ZNF532: variants seen among roughly 807,000 people sequenced by gnomAD.
ZNF532 encodes the protein zinc finger protein 532.
A neutral mutation model predicts 89.3 loss-of-function variants in ZNF532; 22 were observed. The ratio of observed to expected loss-of-function variants is 0.25; its 90% CI spans 0.18 to 0.35. ZNF532 has a LOEUF of 0.35. Ranked by LOEUF, ZNF532 falls within the 10% of genes least tolerant of loss-of-function variation. The pLI, the probability that ZNF532 is intolerant of heterozygous loss-of-function variation, is 1.00. For missense variants in ZNF532, 1,132 were observed against 1,643.4 expected (o/e 0.69, Z 5.38); for synonymous variants, 606 against 649.6 (o/e 0.93, Z 1.02).
intron 2 of ZNF532, among the ~76,000 whole-genome samples, chr18:58,872,786 G>A (rs1602490543): frequency 6.7e-6 from 1 of 148,220 alleles, no homozygotes; most frequent in Admixed American, 7.0e-5. Context: ...TGCAACCTCC[G>A]CCTTCCGGGT....
chr18:58,948,374 C>T, intron 6 of ZNF532, 145 bp downstream of exon 6: 1 of 722,108 alleles, frequency 1.4e-6, no homozygotes, highest in East Asian at 2.8e-5. Context: ...GAGCAACTTA[C>T]ATGCTGTCAT....
intron 5 of ZNF532, among the ~76,000 whole-genome samples, chr18:58,946,388 G>A (rs193252420): frequency 6.6e-6 from 1 of 151,176 alleles, no homozygotes; most frequent in East Asian, 1.9e-4. Flanking sequence ...TGCCTCCTGG[G>A]CCCAAGCGAT....
At chr18:58,907,727 T>G (rs899654730) in intron 2 of ZNF532, among the ~76,000 whole-genome samples, 1 of 152,106 alleles carries the variant, frequency 6.6e-6, no homozygotes, top group African/African-American at 2.4e-5. Flanking sequence ...CCTGACGTGG[T>G]AGATTTCTCA....
intron 2 of ZNF532, among the ~76,000 whole-genome samples, chr18:58,869,788 T>C (rs995295917): frequency 3.0e-5 from 4 of 133,874 alleles, no homozygotes; most frequent in African/African-American, 1.2e-4. Context: ...TTTTTTGGAG[T>C]TGGAGTCTCG....
Position 58,985,248 on chromosome 18 carries a change from A to G in ZNF532, c.*782A>G, listed in dbSNP as rs922110940. 4 of 152,270 alleles carry G rather than the reference A, an allele frequency of 2.6e-5. No individual in the cohort carries two copies. The highest frequency in any genetic ancestry group is 5.9e-5 in the Non-Finnish European group (4 of 68,052). 9.4% of individuals were successfully genotyped at this position (152,270 alleles called of 1,614,324 possible). On this transcript the variant is annotated 3_prime_UTR_variant, in exon 10 of 10. Transcript: ENST00000591808. ...TCTGCAAGGCTGGCTTTAAGAGCACAAGGAGGGAAAGTAACGAAAGGGCTG... is the reference window on the plus strand; with the variant it reads ...TCTGCAAGGCTGGCTTTAAGAGCACGAGGAGGGAAAGTAACGAAAGGGCTG...
intron 2 of ZNF532, among the ~76,000 whole-genome samples, chr18:58,909,244 C>T (rs944598514): frequency 1.3e-5 from 2 of 152,176 alleles, no homozygotes; most frequent in South Asian, 2.1e-4. Context: ...TGAGCCACCG[C>T]GCCCAGCCTG....
At chr18:58,885,291 G>A (rs1157655838) in intron 2 of ZNF532, among the ~76,000 whole-genome samples, 1 of 152,132 alleles carries the variant, frequency 6.6e-6, no homozygotes, top group East Asian at 1.9e-4. Context: ...GCTCAGCTGG[G>A]TGTTTTTTTG....
intron 2 of ZNF532, among the ~76,000 whole-genome samples, chr18:58,884,818 A>T (rs12961467): frequency 0.22 from 34,115 of 151,844 alleles, 4,415 homozygotes; most frequent in Middle Eastern, 0.41. Context: ...AAATTTATAA[A>T]TTTTTTCTTG....
intron 7 of ZNF532, among the ~76,000 whole-genome samples, chr18:58,955,711 G>A (rs2064701406): frequency 6.6e-6 from 1 of 152,196 alleles, no homozygotes; most frequent in African/African-American, 2.4e-5. Flanking sequence ...TCACTACAGT[G>A]TGTCTTGATA....
rs769139356 is a variant in ZNF532 at position 58,953,810 on chromosome 18, A to G, written c.3150+11A>G. ...AAGGAGCACGGGAAGGTCAGTAAAG[A>G]ATGAAAGCTGCTCTGGGTGAGTGCA... On this transcript the variant is annotated intron_variant, in intron 7 of 9. Coordinates refer to ENST00000591808, the MANE Select transcript of ZNF532 (RefSeq NM_001375912.1). 2 of 1,608,228 alleles carry G rather than the reference A, an allele frequency of 1.2e-6. No homozygotes were observed. The highest frequency in any genetic ancestry group is 1.7e-6 in the Non-Finnish European group (2 of 1,176,300).
At chr18:58,945,107 AT>A (rs2063539790) in intron 5 of ZNF532, among the ~76,000 whole-genome samples, 1 of 152,136 alleles carries the variant, frequency 6.6e-6, no homozygotes, top group Non-Finnish European at 1.5e-5. Flanking sequence ...CTGGGTGTAC[AT>A]TTTGGATTTA....
chr18:58,891,788 C>T (rs2058920640), intron 2 of ZNF532, among the ~76,000 whole-genome samples: 1 of 152,174 alleles, frequency 6.6e-6, no homozygotes, highest in African/African-American at 2.4e-5. Context: ...CATCCTCTTT[C>T]CCACCCTGGT....
intron 2 of ZNF532, among the ~76,000 whole-genome samples, chr18:58,872,418 T>C (rs2057062519): frequency 6.6e-6 from 1 of 152,254 alleles, no homozygotes; most frequent in Non-Finnish European, 1.5e-5. Flanking sequence ...TTTATCATTT[T>C]CTTTTGTGAG....
chr18:58,880,763 C>CGTGTGTGTGTGT (rs1555704697), intron 2 of ZNF532, among the ~76,000 whole-genome samples: 1 of 119,624 alleles, frequency 8.4e-6, no homozygotes, highest in Non-Finnish European at 1.6e-5. Flanking sequence ...CGCGCGCGCA[C>CGTGTGTGTGTGT]GCGCGCGCGT....
Position 58,953,633 on chromosome 18 carries a change from A to G in ZNF532, c.2984A>G (p.Lys995Arg). The stretch of plus-strand genomic sequence containing the variant: ...GCAAATCAGAACAAAGAGGACACCA[A>G]ATCCATGAATGGGAAAGAGAAATTG... ...NSANQNKEDT[K>R]SMNGKEKLEK... The change falls in exon 7 of 10, where the codon AAA (lysine) becomes AGA (arginine). Residue 995 changes from lysine (K) to arginine (R), a missense_variant. Physicochemically the swap from Lys to Arg is conservative, Grantham distance 26 (BLOSUM62 2). Coordinates refer to ENST00000591808, the MANE Select transcript of ZNF532 (RefSeq NM_001375912.1). The G allele has an allele frequency of 6.2e-7, 1 of 1,614,028 alleles. No homozygotes were observed. Among genetic ancestry groups the G allele is most frequent in the Non-Finnish European group, 8.5e-7 (1 of 1,179,868 alleles).
intron 7 of ZNF532, among the ~76,000 whole-genome samples, chr18:58,965,697 T>A (rs1381171285): frequency 6.6e-6 from 1 of 152,274 alleles, no homozygotes; most frequent in Non-Finnish European, 1.5e-5. Flanking sequence ...TGGGGTCTGA[T>A]GCTTTCTGGA....
At chr18:58,974,150 G>GGAT (rs1474112644) in intron 7 of ZNF532, among the ~76,000 whole-genome samples, 2 of 151,740 alleles carry the variant, frequency 1.3e-5, no homozygotes, top group African/African-American at 4.8e-5. Context: ...AATTTTTTTT[G>GGAT]GATATGTGCT....
intron 2 of ZNF532, among the ~76,000 whole-genome samples, chr18:58,886,631 G>A (rs1034797872): frequency 3.3e-5 from 5 of 152,092 alleles, no homozygotes; most frequent in Non-Finnish European, 7.4e-5. Flanking sequence ...TTACATAATC[G>A]TTTATGTACC....
At chr18:58,938,962 A>G (rs997844310) in intron 4 of ZNF532, among the ~76,000 whole-genome samples, 7 of 152,328 alleles carry the variant, frequency 4.6e-5, no homozygotes, top group East Asian at 1.9e-4. Flanking sequence ...ACATATAAAA[A>G]TAGGCTGGGC....
Sources: allele counts gnomAD v4.1 joint callset (sites outside exome capture counted in the v4.1 genomes callset), GRCh38; gene constraint gnomAD v4.1.1; transcripts MANE v1.5; gene names NCBI Gene and HGNC (gene_info 2026-07-23, HGNC 2026-07-21).